Variants in GRM5 observed in about 807,000 individuals in gnomAD.
The protein encoded by GRM5 is glutamate metabotropic receptor 5.
GRM5 carries 19 observed loss-of-function variants against 83.1 expected under a neutral mutation model. The observed-to-expected ratio is 0.23, with a 90% CI of 0.16 to 0.34. The LOEUF (loss-of-function observed/expected upper bound fraction) is 0.34. Among genes scored for constraint, GRM5 ranks in the 10% least tolerant of loss-of-function variants. The pLI is 1.00. For synonymous variants in GRM5, 675 were observed against 633.6 expected, an observed-to-expected ratio of 1.07 and a Z score of -0.98; for missense variants, 1,160 against 1,588.3, an observed-to-expected ratio of 0.73 and a Z score of 4.58.
chr11:88,762,107 C>A (rs1942530875), intron 3 of GRM5, among the ~76,000 whole-genome samples: 1 of 151,978 alleles, frequency 6.6e-6, no homozygotes, highest in African/African-American at 2.4e-5. Context: ...CTAGGTAATA[C>A]CATTCTGGAC....
At chr11:88,897,177 C>A (rs1280800603) in intron 2 of GRM5, among the ~76,000 whole-genome samples, 1 of 151,944 alleles carries the variant, frequency 6.6e-6, no homozygotes, top group East Asian at 1.9e-4. Flanking sequence ...TGAGGAACTG[C>A]AAAAGGAAAT....
chr11:88,530,479 C>G (rs1941982359), intron 8 of GRM5, among the ~76,000 whole-genome samples: 1 of 151,942 alleles, frequency 6.6e-6, no homozygotes, highest in African/African-American at 2.4e-5. Context: ...CCTTCTTTGT[C>G]CAGGAAGTTC....
At chr11:88,519,638 A>G (rs1447944601) in intron 9 of GRM5, among the ~76,000 whole-genome samples, 2 of 152,166 alleles carry the variant, frequency 1.3e-5, no homozygotes, top group African/African-American at 4.8e-5. Flanking sequence ...TGAATTTTAA[A>G]ACAGGGAAAT....
intron 3 of GRM5, among the ~76,000 whole-genome samples, chr11:88,732,909 A>C (rs191415723): frequency 6.6e-6 from 1 of 152,064 alleles, no homozygotes; most frequent in East Asian, 1.9e-4. Flanking sequence ...AGATGCCTTA[A>C]ATTAAGACTC....
chr11:88,764,732 T>C (rs900532164), intron 3 of GRM5, among the ~76,000 whole-genome samples: 4 of 151,560 alleles, frequency 2.6e-5, no homozygotes, highest in Admixed American at 6.6e-5. Context: ...TTTATAGCTA[T>C]AAACACTTAT....
chr11:88,568,297 A>G (rs1942914452), intron 7 of GRM5, among the ~76,000 whole-genome samples: 1 of 152,198 alleles, frequency 6.6e-6, no homozygotes, highest in African/African-American at 2.4e-5. Flanking sequence ...TAACTGTGAT[A>G]AGGGTCATGA....
chr11:88,995,461 C>A (rs535121952), intron 2 of GRM5, among the ~76,000 whole-genome samples: 2 of 144,802 alleles, frequency 1.4e-5, no homozygotes, highest in Non-Finnish European at 3.0e-5. Context: ...AGAAGAATCA[C>A]TTGAACCCGG....
chr11:89,019,182 C>T (rs1940925232), intron 2 of GRM5, among the ~76,000 whole-genome samples: 1 of 152,190 alleles, frequency 6.6e-6, no homozygotes, highest in East Asian at 1.9e-4. Flanking sequence ...TGGGATTTGT[C>T]TGATGTTTTT....
intron 7 of GRM5, among the ~76,000 whole-genome samples, chr11:88,588,722 G>A (rs961575416): frequency 6.6e-6 from 1 of 152,054 alleles, no homozygotes; most frequent in Non-Finnish European, 1.5e-5. Context: ...ATATTTCCAT[G>A]TTTTTATTCC....
intron 3 of GRM5, among the ~76,000 whole-genome samples, chr11:88,842,789 C>T (rs962481418): frequency 1.3e-5 from 2 of 152,078 alleles, no homozygotes; most frequent in African/African-American, 4.8e-5. Flanking sequence ...TTGCTATTAT[C>T]CTGATGAGTC....
rs192446250 is a variant in GRM5 at position 89,023,172 on chromosome 11, C to T, written c.661+24040G>A. 2.0e-3 allele frequency among the ~76,000 whole-genome samples: 296 copies of T among 151,686 alleles called. 1 individual carries two copies. Among genetic ancestry groups the T allele is most frequent in the Non-Finnish European group, 2.7e-3 (184 of 67,858 alleles). On this transcript the variant is annotated intron_variant, in intron 2 of 9. Coordinates refer to ENST00000305447, the MANE Select transcript of GRM5 (RefSeq NM_001143831.3). Reference sequence around the variant, plus strand: ...GTGTGTGTGTGTGTGTGTGCGCGCGCGTGCACATGTGCGTTCATTGTGTGG... The same window carrying T: ...GTGTGTGTGTGTGTGTGTGCGCGCGTGTGCACATGTGCGTTCATTGTGTGG...
chr11:88,641,005 AC>A (rs1343382875), intron 4 of GRM5, among the ~76,000 whole-genome samples: 1 of 152,132 alleles, frequency 6.6e-6, no homozygotes, highest in Non-Finnish European at 1.5e-5. Context: ...ATAAAGAAAT[AC>A]TTGAGACTGG....
chr11:88,521,864 G>A (rs149373419), intron 9 of GRM5, among the ~76,000 whole-genome samples: 2 of 152,182 alleles, frequency 1.3e-5, no homozygotes, highest in East Asian at 3.8e-4. Context: ...CTAAGGCCCT[G>A]CTAATGTTAC....
intron 8 of GRM5, among the ~76,000 whole-genome samples, chr11:88,563,473 C>G (rs1450149864): frequency 6.6e-6 from 1 of 152,110 alleles, no homozygotes; most frequent in Admixed American, 6.6e-5. Context: ...TCTGCCATTC[C>G]ATGTGGAAGG....
chr11:88,768,447 G>C (rs956941874), intron 3 of GRM5, among the ~76,000 whole-genome samples: 11 of 152,022 alleles, frequency 7.2e-5, no homozygotes, highest in Admixed American at 3.9e-4. Context: ...GGTGGGAGGA[G>C]AGAATGGATA....
chr11:88,538,679 G>A (rs1340382830), intron 8 of GRM5, among the ~76,000 whole-genome samples: 1 of 152,168 alleles, frequency 6.6e-6, no homozygotes, highest in Admixed American at 6.5e-5. Context: ...AATGTAATAA[G>A]AGCCATCACT....
chr11:88,931,188 A>G (rs867469776), intron 2 of GRM5, among the ~76,000 whole-genome samples: 4 of 151,792 alleles, frequency 2.6e-5, no homozygotes, highest in Non-Finnish European at 2.9e-5. Context: ...TGATTCTCCA[A>G]TGAGTTTCAA....
chr11:88,606,504 G>T (rs1303641885), intron 4 of GRM5, among the ~76,000 whole-genome samples: 1 of 152,182 alleles, frequency 6.6e-6, no homozygotes, highest in Admixed American at 6.5e-5. Flanking sequence ...CAACAAGAGG[G>T]AAAGTCAGTC....
In GRM5 at chr11:88,946,537, A is replaced by G. The variant is rs1045569244; in HGVS notation, c.662-96382T>C. On this transcript the variant is annotated intron_variant, in intron 2 of 9. Transcript: ENST00000305447. ...AGCATCATGGATGCAGCTAGATGCTATTATCCTAAGCAAATTAATGCAAAC... is the reference window on the plus strand; with the variant it reads ...AGCATCATGGATGCAGCTAGATGCTGTTATCCTAAGCAAATTAATGCAAAC... Among the ~76,000 whole-genome samples the G allele has an allele frequency of 6.2e-4, 94 of 152,210 alleles. 2 individuals are homozygous for G. The highest frequency in any genetic ancestry group is 2.2e-3 in the African/African-American group (91 of 41,556).
Sources: gnomAD v4.1 joint callset for allele counts (sites outside exome capture counted in the v4.1 genomes callset) on GRCh38, gnomAD v4.1.1 for gene constraint, MANE v1.5 for transcripts, NCBI Gene and HGNC (gene_info 2026-07-23, HGNC 2026-07-21) for gene names.